Variants in HOGA1 observed in about 807,000 individuals in gnomAD.
The protein encoded by HOGA1 is 4-hydroxy-2-oxoglutarate aldolase, mitochondrial.
Under a neutral mutation model 34.3 loss-of-function variants are expected in HOGA1, and 30 were observed. That is an observed-to-expected ratio of 0.87 (90% CI 0.65 to 1.19). The LOEUF (loss-of-function observed/expected upper bound fraction) is 1.19. Among genes scored for constraint, HOGA1 ranks in the 50% most tolerant of loss-of-function variants. The pLI, the probability that HOGA1 is intolerant of heterozygous loss-of-function variation, is 0.00. For synonymous variants in HOGA1, 161 were observed against 174.0 expected, an observed-to-expected ratio of 0.93 and a Z score of 0.59; for missense variants, 417 against 436.5, an observed-to-expected ratio of 0.96 and a Z score of 0.40.
At chr10:97,585,794 G>T (rs1350949626) in intron 1 of HOGA1, among the ~76,000 whole-genome samples, 1 of 152,188 alleles carries the variant, frequency 6.6e-6, no homozygotes, top group Non-Finnish European at 1.5e-5. Context: ...TGTCTGGTCA[G>T]CACTAGCTTT....
chr10:97,589,666 A>C, intron 1 of HOGA1: 2 of 443,564 alleles, frequency 4.5e-6, no homozygotes, highest in South Asian at 2.7e-5. Flanking sequence ...AATGGGGTTC[A>C]TTGTTGAGGT....
chr10:97,601,113 G>A (rs1168946660), intron 5 of HOGA1, among the ~76,000 whole-genome samples: 3 of 152,192 alleles, frequency 2.0e-5, no homozygotes, highest in Non-Finnish European at 4.4e-5. Context: ...CCATGCTGCT[G>A]TAGCGCGCCT....
chr10:97,611,256 G>A (rs561823019), intron 6 of HOGA1, among the ~76,000 whole-genome samples: 1 of 152,332 alleles, frequency 6.6e-6, no homozygotes, highest in East Asian at 1.9e-4. Flanking sequence ...CTCTGTTGGA[G>A]TGGATTTTTC....
At chr10:97,590,052 A>T in intron 1 of HOGA1, 1 of 1,614,158 alleles carries the variant, frequency 6.2e-7, no homozygotes, top group Non-Finnish European at 8.5e-7. Context: ...CTCGACAACA[A>T]TGCCAGCGCT....
chr10:97,601,168 A>G (rs2041112915), intron 5 of HOGA1, among the ~76,000 whole-genome samples: 2 of 152,168 alleles, frequency 1.3e-5, no homozygotes, highest in Non-Finnish European at 2.9e-5. Flanking sequence ...CTATTAGCTC[A>G]TTCTGAATTG....
At chr10:97,595,499 C>G (rs1260853898) in intron 1 of HOGA1, among the ~76,000 whole-genome samples, 1 of 152,204 alleles carries the variant, frequency 6.6e-6, no homozygotes, top group Non-Finnish European at 1.5e-5. Flanking sequence ...AGTTCGAGAC[C>G]AGCCTGGCCA....
Position 97,598,912 on chromosome 10 carries a change from G to GA in HOGA1, c.340+11dup. The GA allele has an allele frequency of 6.2e-7, 1 of 1,613,662 alleles. No individual in the cohort carries two copies. The highest frequency in any genetic ancestry group is 8.5e-7 in the Non-Finnish European group (1 of 1,180,028). On this transcript the variant is annotated intron_variant, in intron 2 of 6. Coordinates refer to ENST00000370646, the MANE Select transcript of HOGA1 (RefSeq NM_138413.4). ...TGGCTCCGGATGCGAGTGTGAGCCA[G>GA]AATGCCCTGGGCCCTGGGGGTGGGT...
rs79084430 is a variant in HOGA1 at position 97,601,806 on chromosome 10, T to G, written c.701-51T>G. 1.6e-3 allele frequency: 2,535 copies of G among 1,610,458 alleles called. 39 individuals carry two copies. In the African/African-American group the frequency reaches 0.028, roughly 18 times the overall value. On this transcript the variant is annotated intron_variant, in intron 5 of 6. Transcript: ENST00000370646. Reference sequence around the variant, plus strand: ...GAGGTGCTGGGACCAGGGCTTGGGATGCCTGGAGGGGAGAGGCTCTGGCTG... The same window carrying G: ...GAGGTGCTGGGACCAGGGCTTGGGAGGCCTGGAGGGGAGAGGCTCTGGCTG...
intron 1 of HOGA1, among the ~76,000 whole-genome samples, chr10:97,591,626 T>C (rs2041023629): frequency 6.6e-6 from 1 of 151,958 alleles, no homozygotes; most frequent in Non-Finnish European, 1.5e-5. Context: ...TCTTGTTTTT[T>C]ATGTATGTAT....
At chr10:97,600,213 A>T in intron 5 of HOGA1, 50 bp downstream of exon 5, 1 of 1,481,586 alleles carries the variant, frequency 6.7e-7, no homozygotes, top group Non-Finnish European at 9.4e-7. Flanking sequence ...AGAGATACCC[A>T]GGTACCTGGG....
At chr10:97,608,753 C>A (rs2041175257) in intron 6 of HOGA1, among the ~76,000 whole-genome samples, 1 of 151,928 alleles carries the variant, frequency 6.6e-6, no homozygotes, top group South Asian at 2.1e-4. Context: ...TTGCAGTGAG[C>A]CGAGATCGTA....
At chr10:97,592,984 C>A (rs912580180) in intron 1 of HOGA1, among the ~76,000 whole-genome samples, 1 of 139,368 alleles carries the variant, frequency 7.2e-6, no homozygotes, top group East Asian at 2.1e-4. Context: ...GAACAGTGAT[C>A]GCTCCACTGC....
rs916553002 is a variant in HOGA1 at position 97,584,522 on chromosome 10, G to T, written c.-182G>T. On this transcript the variant is annotated 5_prime_UTR_variant, in exon 1 of 7. Transcript: ENST00000370646. ...ACCCAGAAGGAACAGGGCCCCCTGG[G>T]GCCTATAGGCCTTGCCCCTGACCCT... is the stretch of plus-strand genomic sequence containing the variant. The T allele has an allele frequency of 1.6e-6, 1 of 607,888 alleles. No individual in the cohort carries two copies. 37.7% of individuals were successfully genotyped at this position (607,888 alleles called of 1,614,324 possible).
chr10:97,590,367 A>C, intron 1 of HOGA1: 2 of 1,614,078 alleles, frequency 1.2e-6, no homozygotes, highest in Admixed American at 1.7e-5. Flanking sequence ...CACTCAGGTC[A>C]CCTAGAGTCC....
chr10:97,601,940 T>A lies in HOGA1; in HGVS notation c.784T>A (p.Trp262Arg). 1 of 1,613,156 alleles carries A rather than the reference T, an allele frequency of 6.2e-7. No individual in the cohort carries two copies. The highest frequency in any genetic ancestry group is 8.5e-7 in the Non-Finnish European group (1 of 1,179,906). Residue 262 changes from tryptophan (W) to arginine (R), a missense_variant, in exon 6 of 7, where the codon TGG becomes AGG. By Grantham distance (101) the Trp-to-Arg change is moderately radical (BLOSUM62 -3). Transcript: ENST00000370646. Reference sequence around the variant, plus strand: ...GGAGCGACTGTGCTGCACGGGGCAATGGGAAGATGCCCAGAAACTGCAGCA... The same window carrying A: ...GGAGCGACTGTGCTGCACGGGGCAAAGGGAAGATGCCCAGAAACTGCAGCA... ...QLERLCCTGQ[W>R]EDAQKLQHRL...
At chr10:97,594,586 C>T (rs993572019) in intron 1 of HOGA1, among the ~76,000 whole-genome samples, 8 of 152,166 alleles carry the variant, frequency 5.3e-5, no homozygotes, top group Admixed American at 3.9e-4. Flanking sequence ...AACTCCTGAC[C>T]TTGTGGTTCG....
At position 97,603,405 on chromosome 10, in the gene HOGA1, T is replaced by A. The variant is rs2041134566; in HGVS notation, c.834+1415T>A. On this transcript the variant is annotated intron_variant, in intron 6 of 6. Transcript: ENST00000370646. The surrounding 1 kb of genome is among the most constrained non-coding windows in gnomAD (Gnocchi z 4.5). ...ATCTTTTTAATTTTTTATTTTTATT[T>A]TTGTAGAGATGGGGGTCTCACTATG... Among the ~76,000 whole-genome samples the A allele has an allele frequency of 6.6e-6, 1 of 152,004 alleles. No homozygotes were observed. The highest frequency in any genetic ancestry group is 6.6e-5 in the Admixed American group (1 of 15,248).
rs748335042 is a variant in HOGA1 at position 97,601,988 on chromosome 10, G to A, written c.832G>A (p.Ala278Thr). The change falls in exon 6 of 7, where the codon GCG becomes ACG. Residue 278 changes from alanine to threonine, a missense_variant and splice_region_variant. Transcript: ENST00000370646. ...GCACCGCCTCATTGAGCCAAACGCT[G>A]CGGTGAGCCAGTGGCAGCGGGGGCG... The part of the protein sequence containing the change: ...LQHRLIEPNA[A>T]VTRRFGIPGL... The A allele has an allele frequency of 5.6e-6, 9 of 1,611,542 alleles. No homozygotes were observed. The highest frequency in any genetic ancestry group is 1.3e-5 in the African/African-American group (1 of 74,912).
intron 1 of HOGA1, among the ~76,000 whole-genome samples, chr10:97,588,369 T>G (rs113886931): frequency 0.031 from 4,353 of 142,452 alleles, 169 homozygotes; most frequent in African/African-American, 0.091. Flanking sequence ...GGCTAATTTT[T>G]TGTGTGTGTG....
Sources: gnomAD v4.1 joint callset for allele counts (sites outside exome capture counted in the v4.1 genomes callset) on GRCh38, gnomAD v4.1.1 for gene constraint, Gnocchi (gnomAD v3.1) non-coding constraint, MANE v1.5 for transcripts, NCBI Gene and HGNC (gene_info 2026-07-23, HGNC 2026-07-21) for gene names.